The following SGCD variants were observed in gnomAD, a reference collection of about 807,000 sequenced individuals.
The protein encoded by SGCD is sarcoglycan delta.
A neutral mutation model predicts 36.6 loss-of-function variants in SGCD; 18 were observed. The ratio of observed to expected loss-of-function variants is 0.49; its 90% CI spans 0.34 to 0.73. The LOEUF (loss-of-function observed/expected upper bound fraction) is 0.73, where lower values mean the gene tolerates loss of function less well. Among genes scored for constraint, SGCD ranks in the 30% least tolerant of loss-of-function variants. The pLI is 0.01. For synonymous variants in SGCD, 133 were observed against 130.6 expected (o/e 1.02, Z -0.12); for missense variants, 387 against 346.7 (o/e 1.12, Z -0.92).
intron 3 of SGCD, among the ~76,000 whole-genome samples, chr5:156,140,847 T>G (rs112455540): frequency 2.6e-5 from 4 of 152,286 alleles, no homozygotes; most frequent in African/African-American, 9.6e-5. Flanking sequence ...CCCATGCTAT[T>G]CATAAAAGAG....
At chr5:156,608,042 C>T (rs933043350) in intron 6 of SGCD, among the ~76,000 whole-genome samples, 3 of 152,118 alleles carry the variant, frequency 2.0e-5, no homozygotes, top group African/African-American at 7.2e-5. Context: ...TCTCTATTTC[C>T]TTCAGTTCTG....
the SGCD span, among the ~76,000 whole-genome samples, chr5:155,758,854 A>T: frequency 6.6e-6 from 1 of 152,068 alleles, no homozygotes; most frequent in Non-Finnish European, 1.5e-5. Context: ...TTCTTTCTTG[A>T]TGGATAAGAC....
chr5:156,420,856 A>G (rs990063298), intron 3 of SGCD, among the ~76,000 whole-genome samples: 8 of 152,134 alleles, frequency 5.3e-5, no homozygotes, highest in Non-Finnish European at 1.0e-4. Flanking sequence ...TGATTCTGAA[A>G]TGGCTATCTG....
intron 1 of SGCD, among the ~76,000 whole-genome samples, chr5:155,948,019 G>C (rs1175645774): frequency 6.6e-6 from 1 of 152,158 alleles, no homozygotes; most frequent in Non-Finnish European, 1.5e-5. Context: ...GCTCACTCCT[G>C]TAATCCCAGC....
the SGCD span, among the ~76,000 whole-genome samples, chr5:155,790,676 C>A: frequency 6.6e-6 from 1 of 151,990 alleles, no homozygotes; most frequent in Non-Finnish European, 1.5e-5. Flanking sequence ...GTATAAAAGA[C>A]CTCTTCCTTC....
At chr5:156,458,428 T>C (rs1001912117) in intron 3 of SGCD, 19 of 1,608,514 alleles carry the variant, frequency 1.2e-5, no homozygotes, top group Non-Finnish European at 1.6e-5. Flanking sequence ...TAGACACCAA[T>C]CTGAGGGTCA....
At chr5:155,893,328 G>A (rs949148040) in intron 1 of SGCD, among the ~76,000 whole-genome samples, 1 of 152,140 alleles carries the variant, frequency 6.6e-6, no homozygotes, top group Non-Finnish European at 1.5e-5. Flanking sequence ...CTCTGGAGCT[G>A]AAATAATACA....
intron 7 of SGCD, among the ~76,000 whole-genome samples, chr5:156,691,108 G>A (rs778944658): frequency 3.4e-5 from 5 of 146,556 alleles, no homozygotes; most frequent in Admixed American, 7.2e-5. Context: ...TTGGGAGGCT[G>A]GGGCAGGACA....
At chr5:156,636,466 A>G (rs934894091) in intron 6 of SGCD, among the ~76,000 whole-genome samples, 2 of 152,340 alleles carry the variant, frequency 1.3e-5, no homozygotes, top group African/African-American at 4.8e-5. Context: ...AAAGCAAGAC[A>G]TAGTCAATGA....
At chr5:155,957,572 T>C (rs1757689230) in intron 1 of SGCD, among the ~76,000 whole-genome samples, 1 of 152,088 alleles carries the variant, frequency 6.6e-6, no homozygotes, top group Non-Finnish European at 1.5e-5. Flanking sequence ...ATGTCTACTC[T>C]CAGGTTTTGG....
chr5:156,339,409 G>A (rs1475373662), intron 2 of SGCD, among the ~76,000 whole-genome samples: 1 of 152,152 alleles, frequency 6.6e-6, no homozygotes, highest in African/African-American at 2.4e-5. Flanking sequence ...AAACAAAGTT[G>A]TATAAGTTTT....
Position 156,767,323 on chromosome 5 carries a change from GA to G in SGCD, c.*7935del, listed in dbSNP as rs1469553016. 6.6e-6 allele frequency: 1 copy of G among 152,070 alleles called. No individual in the cohort carries two copies. Among genetic ancestry groups the G allele is most frequent in the Non-Finnish European group, 1.5e-5 (1 of 67,996 alleles). 9.4% of individuals were successfully genotyped at this position (152,070 alleles called of 1,614,324 possible). On this transcript the variant is annotated 3_prime_UTR_variant, in exon 9 of 9. Coordinates refer to ENST00000337851, the MANE Select transcript of SGCD (RefSeq NM_000337.6). The stretch of plus-strand genomic sequence containing the variant: ...CAGGTTTCTCCCTTTTTGAGATTAT[GA>G]AGAAGCTGAGACATACTTCTTAAGG...
chr5:156,003,139 C>G (rs1758695390), intron 1 of SGCD, among the ~76,000 whole-genome samples: 2 of 152,336 alleles, frequency 1.3e-5, no homozygotes, highest in African/African-American at 4.8e-5. Context: ...CACTCCCAGT[C>G]AGTCCCTCTA....
At chr5:156,097,212 G>A (rs185370) in intron 1 of SGCD, among the ~76,000 whole-genome samples, 62,651 of 151,576 alleles carry the variant, frequency 0.41, 13,500 homozygotes, top group African/African-American at 0.53. Flanking sequence ...TTTGGTATTC[G>A]CTGAACTTCA....
At chr5:156,569,397 G>A (rs1377817671) in intron 4 of SGCD, among the ~76,000 whole-genome samples, 4 of 152,180 alleles carry the variant, frequency 2.6e-5, no homozygotes, top group Non-Finnish European at 5.9e-5. Flanking sequence ...TTCAAGACCA[G>A]CCTGGCCAAC....
At chr5:156,037,157 A>G (rs1343279084) in intron 1 of SGCD, among the ~76,000 whole-genome samples, 2 of 152,190 alleles carry the variant, frequency 1.3e-5, no homozygotes, top group Admixed American at 6.5e-5. Context: ...ATTACTTGCT[A>G]TGATGGAAAA....
intron 3 of SGCD, among the ~76,000 whole-genome samples, chr5:156,495,162 G>T (rs256842): frequency 0.15 from 23,552 of 152,080 alleles, 2,305 homozygotes; most frequent in East Asian, 0.24. Flanking sequence ...GCTTACAAGT[G>T]CAAGCAAGAG....
intron 6 of SGCD, among the ~76,000 whole-genome samples, chr5:156,635,746 G>A (rs1471038568): frequency 6.6e-6 from 1 of 152,088 alleles, no homozygotes; most frequent in Non-Finnish European, 1.5e-5. Flanking sequence ...GGACATGGTT[G>A]AAGCTGGAAA....
chr5:156,690,909 T>A (rs1754080655), intron 7 of SGCD, among the ~76,000 whole-genome samples: 1 of 151,868 alleles, frequency 6.6e-6, no homozygotes, highest in Non-Finnish European at 1.5e-5. Context: ...TCTTTGAAAG[T>A]CAAAATGAGA....
Sources: allele counts gnomAD v4.1 joint callset (sites outside exome capture counted in the v4.1 genomes callset), GRCh38; gene constraint gnomAD v4.1.1; transcripts MANE v1.5; gene names NCBI Gene and HGNC (gene_info 2026-07-23, HGNC 2026-07-21).